PBX3: variants seen among roughly 807,000 people sequenced by gnomAD.
The protein encoded by PBX3 is PBX homeobox 3.
A neutral mutation model predicts 48.5 loss-of-function variants in PBX3; 14 were observed. The observed-to-expected ratio is 0.29, with a 90% confidence interval of 0.19 to 0.45. The LOEUF (loss-of-function observed/expected upper bound fraction) is 0.45. Among genes scored for constraint, PBX3 ranks in the 20% least tolerant of loss-of-function variants. PBX3 has a pLI of 1.00. For synonymous variants in PBX3, 210 were observed against 200.3 expected (o/e 1.05, Z -0.41); for missense variants, 386 against 546.7 (o/e 0.71, Z 2.93).
At chr9:125,945,693 C>G (rs1842051235) in intron 5 of PBX3, among the ~76,000 whole-genome samples, 1 of 152,148 alleles carries the variant, frequency 6.6e-6, no homozygotes, top group Non-Finnish European at 1.5e-5. Flanking sequence ...TTAACTGATA[C>G]AGGAAACACA....
chr9:125,938,471 T>TA (rs956475948), intron 5 of PBX3, among the ~76,000 whole-genome samples: 12 of 151,224 alleles, frequency 7.9e-5, no homozygotes, highest in African/African-American at 1.5e-4. Context: ...ACAAGAGATT[T>TA]AAAAAAAAAG....
At chr9:125,766,635 CAA>C (rs1165735572) in intron 2 of PBX3, among the ~76,000 whole-genome samples, 1 of 152,030 alleles carries the variant, frequency 6.6e-6, no homozygotes, top group Admixed American at 6.6e-5. Context: ...TAGATTTTGA[CAA>C]GAGACATTTT....
chr9:125,914,176 G>C (rs909627295), intron 2 of PBX3, among the ~76,000 whole-genome samples: 1 of 152,126 alleles, frequency 6.6e-6, no homozygotes. Context: ...GTGTTGGTAC[G>C]CATTTTATGA....
At chr9:125,945,346 T>A (rs1253851628) in intron 5 of PBX3, among the ~76,000 whole-genome samples, 2 of 152,086 alleles carry the variant, frequency 1.3e-5, no homozygotes, top group African/African-American at 4.8e-5. Context: ...TAATAGTAAT[T>A]ATTGTTACGC....
chr9:125,948,948 G>A (rs1842129179), intron 5 of PBX3, among the ~76,000 whole-genome samples: 1 of 152,020 alleles, frequency 6.6e-6, no homozygotes, highest in Non-Finnish European at 1.5e-5. Context: ...TGTATTTTTT[G>A]TAGAGATGGG....
intron 2 of PBX3, among the ~76,000 whole-genome samples, chr9:125,788,557 A>G (rs938331180): frequency 1.3e-5 from 2 of 152,232 alleles, no homozygotes; most frequent in Admixed American, 6.5e-5. Context: ...TTTAAGAAAT[A>G]AAATATTACA....
intron 2 of PBX3, among the ~76,000 whole-genome samples, chr9:125,850,056 TTAAA>T (rs963598423): frequency 2.6e-5 from 4 of 152,034 alleles, no homozygotes; most frequent in Non-Finnish European, 5.9e-5. Context: ...TAAAAAGTCC[TTAAA>T]TATATATTTA....
intron 2 of PBX3, among the ~76,000 whole-genome samples, chr9:125,769,270 T>C (rs1453293916): frequency 1.3e-5 from 2 of 152,188 alleles, no homozygotes; most frequent in African/African-American, 4.8e-5. Context: ...CCACCTTTGC[T>C]TTGTGCACCA....
intron 5 of PBX3, among the ~76,000 whole-genome samples, chr9:125,936,922 T>A (rs1331287440): frequency 1.3e-5 from 2 of 152,070 alleles, no homozygotes; most frequent in Non-Finnish European, 2.9e-5. Context: ...GAAGACAAAA[T>A]TAAAAGAAGA....
At chr9:125,923,332 C>G (rs1841494983) in intron 3 of PBX3, among the ~76,000 whole-genome samples, 1 of 152,134 alleles carries the variant, frequency 6.6e-6, no homozygotes, top group African/African-American at 2.4e-5. Flanking sequence ...TATGCCGTGT[C>G]ATAGATGTAT....
intron 2 of PBX3, among the ~76,000 whole-genome samples, chr9:125,779,629 A>C (rs1837185142): frequency 8.3e-6 from 1 of 120,066 alleles, no homozygotes; most frequent in South Asian, 2.7e-4. Flanking sequence ...CTTAGTACAG[A>C]ACAAAATGAA....
chr9:125,952,914 CAT>C (rs575943320), intron 5 of PBX3, among the ~76,000 whole-genome samples: 19 of 151,836 alleles, frequency 1.3e-4, no homozygotes, highest in African/African-American at 3.9e-4. Flanking sequence ...ATGATAGTCA[CAT>C]GTTAGTACAT....
intron 2 of PBX3, among the ~76,000 whole-genome samples, chr9:125,811,703 A>G (rs1378110274): frequency 6.6e-6 from 1 of 152,164 alleles, no homozygotes; most frequent in Non-Finnish European, 1.5e-5. Flanking sequence ...GATTTAGTGT[A>G]TGGTGAGTGT....
intron 2 of PBX3, among the ~76,000 whole-genome samples, chr9:125,818,564 G>A (rs915224361): frequency 9.9e-5 from 15 of 152,056 alleles, no homozygotes; most frequent in Middle Eastern, 3.2e-3. Context: ...TGACCAGCTG[G>A]TCTCAAACTC....
At chr9:125,845,549 A>G (rs1839406477) in intron 2 of PBX3, among the ~76,000 whole-genome samples, 2 of 152,098 alleles carry the variant, frequency 1.3e-5, no homozygotes, top group South Asian at 2.1e-4. Context: ...TGTTTTATCA[A>G]TATTCCCTGC....
At chr9:125,964,531 ACT>A (rs1275745368) in intron 8 of PBX3, among the ~76,000 whole-genome samples, 1 of 150,242 alleles carries the variant, frequency 6.7e-6, no homozygotes, top group Non-Finnish European at 1.5e-5. Flanking sequence ...TTTTTTAAAT[ACT>A]GTTTCCTTTT....
intron 2 of PBX3, among the ~76,000 whole-genome samples, chr9:125,899,168 T>C (rs985325581): frequency 6.8e-6 from 1 of 147,922 alleles, no homozygotes; most frequent in African/African-American, 2.5e-5. Flanking sequence ...TTCTCCCTTA[T>C]TGTGTACTTC....
intron 4 of PBX3, among the ~76,000 whole-genome samples, chr9:125,934,300 G>A (rs1024632100): frequency 6.6e-6 from 1 of 152,142 alleles, no homozygotes; most frequent in African/African-American, 2.4e-5. Context: ...ATCTCATAGA[G>A]TGCATACCTA....
Position 125,802,635 on chromosome 9 carries a change from T to C in PBX3, c.274+54012T>C, listed in dbSNP as rs143493467. On this transcript the variant is annotated intron_variant, in intron 2 of 8. Coordinates refer to ENST00000373489, the MANE Select transcript of PBX3 (RefSeq NM_006195.6). ...CCGCCTGCTCAGGCCTCCCAAAGTG[T>C]TGGGATTATAGGCATTAGCAATTGT... 4.0e-3 allele frequency among the ~76,000 whole-genome samples: 596 copies of C among 150,638 alleles called. 1 individual carries two copies. The highest frequency in any genetic ancestry group is 4.9e-3 in the Non-Finnish European group (328 of 67,556).
Sources: gnomAD v4.1 joint callset for allele counts (sites outside exome capture counted in the v4.1 genomes callset) on GRCh38, gnomAD v4.1.1 for gene constraint, MANE v1.5 for transcripts, NCBI Gene and HGNC (gene_info 2026-07-23, HGNC 2026-07-21) for gene names.